The following PPP2R5C variants were observed in gnomAD, a reference collection of about 807,000 sequenced individuals.
PPP2R5C encodes the protein protein phosphatase 2 regulatory subunit B'gamma.
Under a neutral mutation model 68.9 loss-of-function variants are expected in PPP2R5C, and 7 were observed. That is an observed-to-expected ratio of 0.10 (90% CI 0.06 to 0.19). The LOEUF is 0.19. PPP2R5C is among the 10% of genes least tolerant of loss of function. The pLI is 1.00. For missense variants in PPP2R5C, 348 were observed against 641.3 expected, an observed-to-expected ratio of 0.54 and a Z score of 4.94; for synonymous variants, 210 against 222.2, an observed-to-expected ratio of 0.95 and a Z score of 0.49.
At chr14:101,924,041 T>C (rs1026795687) in intron 13 of PPP2R5C, among the ~76,000 whole-genome samples, 1 of 152,234 alleles carries the variant, frequency 6.6e-6, no homozygotes, top group African/African-American at 2.4e-5. Flanking sequence ...GAAGAAACTT[T>C]ATCCAGAAAA....
Position 101,916,979 on chromosome 14 carries a change from G to T in PPP2R5C, c.1327-852G>T, listed in dbSNP as rs202128736. ...ACACGACCACGCAGGACAAACAGGC[G>T]CCCCACACAGTTCCCAGCTCACAGC... On this transcript the variant is annotated intron_variant, in intron 12 of 13. Coordinates refer to ENST00000334743, the Ensembl canonical transcript of PPP2R5C. This position sits in a 1 kb window ranked among gnomAD's most constrained non-coding sequence, Gnocchi z 5.5. Among the ~76,000 whole-genome samples the T allele has an allele frequency of 6.6e-6, 1 of 152,018 alleles. No individual in the cohort carries two copies. Among genetic ancestry groups the T allele is most frequent in the South Asian group, 2.1e-4 (1 of 4,824 alleles).
chr14:101,895,946 A>G (rs2045293191), intron 8 of PPP2R5C, among the ~76,000 whole-genome samples: 1 of 152,144 alleles, frequency 6.6e-6, no homozygotes, highest in African/African-American at 2.4e-5. Context: ...CAATGCACAA[A>G]GGCTCCCATC....
At chr14:101,831,863 C>T (rs1453224084) in intron 1 of PPP2R5C, 2 of 657,110 alleles carry the variant, frequency 3.0e-6, no homozygotes, top group African/African-American at 1.8e-5. Flanking sequence ...CTGTTACTTA[C>T]ATTGGCTTTA....
In PPP2R5C at chr14:101,927,131, A is replaced by G. The variant is rs552257584; in HGVS notation, c.*1859A>G. 165 of 152,244 alleles carry G rather than the reference A, an allele frequency of 1.1e-3. 1 individual carries two copies. Among genetic ancestry groups the G allele is most frequent in the African/African-American group, 3.7e-3 (154 of 41,536 alleles). The allele number at this position is 152,244 out of a possible 1,614,324, so 9.4% of individuals were successfully genotyped here. On this transcript the variant is annotated 3_prime_UTR_variant, in exon 14 of 14. Transcript: ENST00000334743. ...TCCGTCTTTAGCTGATAGATTCTCA[A>G]ATATCCTTGATTTTGGATGTTCAGT... is the stretch of plus-strand genomic sequence containing the variant.
chr14:101,766,356 T>C (rs2036861405), intron 2 of PPP2R5C: 2 of 152,242 alleles, frequency 1.3e-5, no homozygotes, highest in African/African-American at 4.8e-5. Flanking sequence ...CCATAAATGA[T>C]GTCACCTAAC....
At chr14:101,763,330 C>T (rs943931975) in intron 2 of PPP2R5C, among the ~76,000 whole-genome samples, 1 of 151,624 alleles carries the variant, frequency 6.6e-6, no homozygotes, top group Admixed American at 6.6e-5. Flanking sequence ...AAGTGATCCT[C>T]TTACCTCAGC....
intron 12 of PPP2R5C, among the ~76,000 whole-genome samples, chr14:101,914,831 A>G (rs1177750872): frequency 2.6e-5 from 4 of 152,204 alleles, no homozygotes; most frequent in African/African-American, 9.7e-5. Context: ...CTAATCCATC[A>G]AAAGGGGCCA....
chr14:101,791,900 T>A (rs1378198448), intron 3 of PPP2R5C, among the ~76,000 whole-genome samples: 14 of 152,220 alleles, frequency 9.2e-5, no homozygotes, highest in Non-Finnish European at 1.2e-4. Context: ...TGATTTTTTT[T>A]ATTGTATATT....
chr14:101,906,828 AG>A lies in PPP2R5C; in HGVS notation c.1151+300del, dbSNP rs1477869648. On this transcript the variant is annotated intron_variant, in intron 10 of 13. Transcript: ENST00000334743. The surrounding 1 kb of genome is among the most constrained non-coding windows in gnomAD (Gnocchi z 4.0). ...CTGCAGAGAAGCTGAAGGTCTCTGC[AG>A]AGCCCAGTGGGGCTCAGCCCCGGCG... is the stretch of plus-strand genomic sequence containing the variant. Among the ~76,000 whole-genome samples the A allele has an allele frequency of 2.0e-5, 3 of 152,174 alleles. No individual in the cohort carries two copies. Among genetic ancestry groups the A allele is most frequent in the Non-Finnish European group, 4.4e-5 (3 of 68,014 alleles).
intron 2 of PPP2R5C, among the ~76,000 whole-genome samples, chr14:101,775,119 G>T (rs973696573): frequency 7.9e-5 from 12 of 152,186 alleles, no homozygotes; most frequent in African/African-American, 2.4e-4. Context: ...TCTGAAACCA[G>T]TACTAGCCAT....
intron 5 of PPP2R5C, among the ~76,000 whole-genome samples, chr14:101,887,551 CAG>C (rs776264750): frequency 1.3e-5 from 2 of 152,220 alleles, no homozygotes; most frequent in African/African-American, 2.4e-5. Flanking sequence ...GGAGTGTTCA[CAG>C]GGGCTGCTGA....
chr14:101,815,481 C>G (rs2039601940), intron 1 of PPP2R5C, among the ~76,000 whole-genome samples: 1 of 152,180 alleles, frequency 6.6e-6, no homozygotes, highest in Non-Finnish European at 1.5e-5. Context: ...TCCCAGTTCA[C>G]TTACCAAATC....
Position 101,781,851 on chromosome 14 carries a change from C to T in PPP2R5C, c.94-4167C>T, listed in dbSNP as rs2037713424. 6.6e-6 allele frequency among the ~76,000 whole-genome samples: 1 copy of T among 151,844 alleles called. No homozygotes were observed. The highest frequency in any genetic ancestry group is 1.5e-5 in the Non-Finnish European group (1 of 67,906). On this transcript the variant is annotated intron_variant, in intron 2 of 14. Transcript: ENST00000328724. The surrounding 1 kb of genome is among the most constrained non-coding windows in gnomAD (Gnocchi z 6.4). Reference sequence around the variant, plus strand: ...CGTCTCGGGGGCTTCATCCTCCAGCCGTGGCCGTGGCCGTGGCCAGGTGTA... The same window carrying T: ...CGTCTCGGGGGCTTCATCCTCCAGCTGTGGCCGTGGCCGTGGCCAGGTGTA...
At chr14:101,830,970 T>C (rs879769864) in intron 1 of PPP2R5C, among the ~76,000 whole-genome samples, 9 of 152,306 alleles carry the variant, frequency 5.9e-5, no homozygotes, top group Admixed American at 3.9e-4. Context: ...TTATTGTAAG[T>C]TTCTTCATTC....
intron 1 of PPP2R5C, among the ~76,000 whole-genome samples, chr14:101,850,650 G>A (rs2042104011): frequency 6.6e-6 from 1 of 152,172 alleles, no homozygotes; most frequent in African/African-American, 2.4e-5. Context: ...GTCTTCTAGG[G>A]CTCTAGAAAC....
rs939924329 is a variant in PPP2R5C at position 101,916,958 on chromosome 14, G to A, written c.1327-873G>A. The stretch of plus-strand genomic sequence containing the variant: ...GGTGAGGGTGGCAGTACACACACAC[G>A]ACCACGCAGGACAAACAGGCGCCCC... On this transcript the variant is annotated intron_variant, in intron 12 of 13. Coordinates refer to ENST00000334743, the Ensembl canonical transcript of PPP2R5C. This position sits in a 1 kb window ranked among gnomAD's most constrained non-coding sequence, Gnocchi z 5.5. 1.3e-5 allele frequency among the ~76,000 whole-genome samples: 2 copies of A among 151,934 alleles called. No individual in the cohort carries two copies. The highest frequency in any genetic ancestry group is 6.6e-5 in the Admixed American group (1 of 15,246).
chr14:101,823,337 A>G (rs1595271495), intron 1 of PPP2R5C, among the ~76,000 whole-genome samples: 1 of 152,132 alleles, frequency 6.6e-6, no homozygotes, highest in South Asian at 2.1e-4. Context: ...TCAGCCGCCA[A>G]TGTTTGATTT....
In PPP2R5C at chr14:101,891,936, A is replaced by G. The variant is rs1443264404; in HGVS notation, c.690-1064A>G. Among the ~76,000 whole-genome samples the G allele has an allele frequency of 1.3e-5, 2 of 152,166 alleles. No homozygotes were observed. The highest frequency in any genetic ancestry group is 2.9e-5 in the Non-Finnish European group (2 of 68,026). ...GACCTCTTTTCTTGCACAAGGGAAC[A>G]GCTTTCTGTTTTTTTGTTTGTTTTT... On this transcript the variant is annotated intron_variant, in intron 6 of 13. Transcript: ENST00000334743. The surrounding 1 kb of genome is among the most constrained non-coding windows in gnomAD (Gnocchi z 4.9).
At chr14:101,771,688 C>T (rs2037158688) in intron 2 of PPP2R5C, among the ~76,000 whole-genome samples, 1 of 152,018 alleles carries the variant, frequency 6.6e-6, no homozygotes, top group South Asian at 2.1e-4. Flanking sequence ...TGAGATCACA[C>T]CACTGCACTC....
Sources: allele counts gnomAD v4.1 joint callset (sites outside exome capture counted in the v4.1 genomes callset), GRCh38; gene constraint gnomAD v4.1.1; non-coding constraint Gnocchi (gnomAD v3.1); transcripts MANE v1.5; gene names NCBI Gene and HGNC (gene_info 2026-07-23, HGNC 2026-07-21).